ATXN7L1: variants seen among roughly 807,000 people sequenced by gnomAD.
ATXN7L1 encodes the protein ataxin-7-like protein 1.
In ATXN7L1, 15 loss-of-function variants were observed where a neutral mutation model predicts 70.8. That is an observed-to-expected ratio of 0.21 (90% CI 0.14 to 0.33). ATXN7L1 has a LOEUF of 0.33. Ranked by LOEUF, ATXN7L1 falls within the 10% of genes least tolerant of loss-of-function variation. The pLI is 1.00. For synonymous variants in ATXN7L1, 440 were observed against 445.1 expected (o/e 0.99, Z 0.14); for missense variants, 975 against 1,097.1 (o/e 0.89, Z 1.57).
chr7:105,799,545 G>A (rs1806506792), intron 2 of ATXN7L1, among the ~76,000 whole-genome samples: 1 of 149,392 alleles, frequency 6.7e-6, no homozygotes, highest in Non-Finnish European at 1.5e-5. Context: ...TTTCCAAGAG[G>A]AAAGCAGAAG....
intron 4 of ATXN7L1, among the ~76,000 whole-genome samples, chr7:105,664,575 G>GTGTGTGTATGTGTGTATATA: frequency 9.9e-5 from 13 of 131,956 alleles, no homozygotes; most frequent in African/African-American, 3.1e-4. Flanking sequence ...GTATGTGTGT[G>GTGTGTGTATGTGTGTATATA]TATATATATA....
chr7:105,823,334 A>G (rs1309311137), intron 2 of ATXN7L1, among the ~76,000 whole-genome samples: 1 of 152,174 alleles, frequency 6.6e-6, no homozygotes, highest in Non-Finnish European at 1.5e-5. Flanking sequence ...CCCCATTTCC[A>G]GTATCATTTG....
chr7:105,845,584 T>C (rs1255009375), intron 2 of ATXN7L1, among the ~76,000 whole-genome samples: 2 of 151,436 alleles, frequency 1.3e-5, no homozygotes, highest in Admixed American at 6.6e-5. Context: ...AAGAAGTTCC[T>C]ATTGTTTAAA....
At chr7:105,636,734 C>T (rs563702102) in intron 7 of ATXN7L1, among the ~76,000 whole-genome samples, 1 of 152,260 alleles carries the variant, frequency 6.6e-6, no homozygotes, top group East Asian at 1.9e-4. Flanking sequence ...TCAAAGAAGG[C>T]TTTCAAACTG....
At chr7:105,788,309 C>T in intron 3 of ATXN7L1, 1 of 322,410 alleles carries the variant, frequency 3.1e-6, no homozygotes, top group Non-Finnish European at 5.9e-6. Context: ...CTCTCCCCTC[C>T]CCTGGTCACC....
intron 3 of ATXN7L1, among the ~76,000 whole-genome samples, chr7:105,765,136 C>T (rs535361378): frequency 4.6e-5 from 7 of 151,982 alleles, no homozygotes; most frequent in South Asian, 4.2e-4. Flanking sequence ...GAGTTCGAGA[C>T]GAGCCTGGCC....
chr7:105,686,133 A>T (rs1471020682), intron 3 of ATXN7L1, among the ~76,000 whole-genome samples: 2 of 93,940 alleles, frequency 2.1e-5, no homozygotes, highest in Admixed American at 1.2e-4. Context: ...AGGGCAGATT[A>T]AAAAAAAAAA....
rs1273921654 is a variant in ATXN7L1, at chr7:105,632,596, A to T, written c.1202+5757T>A. Among the ~76,000 whole-genome samples, 3 of 152,138 alleles carry T rather than the reference A, an allele frequency of 2.0e-5. No homozygotes were observed. In the East Asian group the frequency reaches 5.8e-4, roughly 29 times the overall value. On this transcript the variant is annotated intron_variant, in intron 7 of 11. Transcript: ENST00000419735. ...TATCTCCAGATTGAATGAGCTACTGAGTACCCAGTATGATGAATGAAAATG... is the reference window on the plus strand; with the variant it reads ...TATCTCCAGATTGAATGAGCTACTGTGTACCCAGTATGATGAATGAAAATG...
intron 2 of ATXN7L1, among the ~76,000 whole-genome samples, chr7:105,845,571 T>C (rs561865305): frequency 2.0e-5 from 3 of 147,598 alleles, no homozygotes; most frequent in Non-Finnish European, 4.4e-5. Context: ...CATATGGAAA[T>C]TCAAGAAGTT....
At chr7:105,726,588 G>A (rs1795842320) in intron 3 of ATXN7L1, among the ~76,000 whole-genome samples, 1 of 152,204 alleles carries the variant, frequency 6.6e-6, no homozygotes, top group African/African-American at 2.4e-5. Flanking sequence ...GCAAATGACA[G>A]GTGAGAAATA....
chr7:105,794,881 G>A (rs1387882175), intron 2 of ATXN7L1, among the ~76,000 whole-genome samples: 2 of 152,170 alleles, frequency 1.3e-5, no homozygotes, highest in Non-Finnish European at 2.9e-5. Flanking sequence ...ATTAAATCAG[G>A]TCTGCTTATA....
intron 3 of ATXN7L1, chr7:105,760,353 TTA>T: frequency 1.1e-6 from 1 of 918,406 alleles, no homozygotes; most frequent in Non-Finnish European, 1.3e-6. Context: ...CCCCATTATT[TTA>T]TATATGAGGA....
At chr7:105,766,562 A>G (rs1801278318) in intron 3 of ATXN7L1, among the ~76,000 whole-genome samples, 1 of 152,224 alleles carries the variant, frequency 6.6e-6, no homozygotes. Flanking sequence ...AGATTCTGAG[A>G]AAGCATTTCA....
intron 3 of ATXN7L1, among the ~76,000 whole-genome samples, chr7:105,733,622 CCAT>C (rs1796926631): frequency 8.0e-6 from 1 of 124,618 alleles, no homozygotes; most frequent in Non-Finnish European, 1.7e-5. Flanking sequence ...ATCCATCCAT[CCAT>C]CCATCCACCC....
At chr7:105,747,203 G>A (rs187132806) in intron 3 of ATXN7L1, among the ~76,000 whole-genome samples, 159 of 152,280 alleles carry the variant, frequency 1.0e-3, no homozygotes, top group African/African-American at 3.6e-3. Context: ...ATTAGAGGGC[G>A]GGGACTTTCA....
intron 9 of ATXN7L1, among the ~76,000 whole-genome samples, chr7:105,615,845 C>T (rs745745408): frequency 6.6e-6 from 1 of 152,132 alleles, no homozygotes; most frequent in Non-Finnish European, 1.5e-5. Context: ...GGAGCCAAGA[C>T]CAGCACTAGG....
chr7:105,794,182 C>T (rs901296844), intron 2 of ATXN7L1, among the ~76,000 whole-genome samples: 3 of 152,140 alleles, frequency 2.0e-5, no homozygotes, highest in African/African-American at 7.2e-5. Flanking sequence ...TTGAAAAACA[C>T]GCTTCAAGGC....
chr7:105,823,822 G>A (rs1810483422), intron 2 of ATXN7L1, among the ~76,000 whole-genome samples: 2 of 152,206 alleles, frequency 1.3e-5, no homozygotes, highest in Admixed American at 1.3e-4. Flanking sequence ...CTACAGAAAG[G>A]TGTTTGGATG....
intron 5 of ATXN7L1, among the ~76,000 whole-genome samples, chr7:105,641,304 T>C (rs1210700923): frequency 8.6e-6 from 1 of 116,654 alleles, no homozygotes; most frequent in Non-Finnish European, 1.7e-5. Flanking sequence ...CGGAGCCCTC[T>C]CTGGCCAGGC....
Sources: allele counts gnomAD v4.1 joint callset (sites outside exome capture counted in the v4.1 genomes callset), GRCh38; gene constraint gnomAD v4.1.1; transcripts MANE v1.5; gene names NCBI Gene and HGNC (gene_info 2026-07-23, HGNC 2026-07-21).